TTC29: variants seen among roughly 807,000 people sequenced by gnomAD.
TTC29 encodes the protein tetratricopeptide repeat domain 29, also known as tetratricopeptide repeat protein 29.
In TTC29, 49 loss-of-function variants were observed where a neutral mutation model predicts 58.1. The ratio of observed to expected loss-of-function variants is 0.84; its 90% CI spans 0.67 to 1.07. The LOEUF is 1.07. TTC29 is among the 50% of genes least tolerant of loss of function. The pLI, the probability that TTC29 is intolerant of heterozygous loss-of-function variation, is 0.00. For missense variants in TTC29, 582 were observed against 555.6 expected (o/e 1.05, Z -0.48); for synonymous variants, 209 against 196.8 (o/e 1.06, Z -0.52).
chr4:146,824,694 T>C (rs1168423986), intron 9 of TTC29, among the ~76,000 whole-genome samples: 1 of 152,198 alleles, frequency 6.6e-6, no homozygotes, highest in Non-Finnish European at 1.5e-5. Flanking sequence ...TTCCTCTTCA[T>C]ATATCTGGCA....
intron 4 of TTC29, among the ~76,000 whole-genome samples, chr4:146,917,617 A>ACATTATATATTATTTAAATAATATC (rs1250048875): frequency 7.0e-6 from 1 of 143,148 alleles, no homozygotes; most frequent in African/African-American, 2.5e-5. Context: ...TTTATAATAT[A>ACATTATATATTATTTAAATAATATC]TAATTAGATA....
chr4:146,760,326 C>T (rs907531356), intron 11 of TTC29, among the ~76,000 whole-genome samples: 4 of 151,760 alleles, frequency 2.6e-5, no homozygotes, highest in Non-Finnish European at 5.9e-5. Context: ...TGCTCATGGA[C>T]GGGTAGAATC....
At chr4:146,862,379 A>C (rs1730292566) in intron 8 of TTC29, among the ~76,000 whole-genome samples, 1 of 152,108 alleles carries the variant, frequency 6.6e-6, no homozygotes, top group Non-Finnish European at 1.5e-5. Flanking sequence ...GACCCTGCAG[A>C]TAGGAAGATA....
At chr4:146,758,659 A>G (rs1167436577) in intron 11 of TTC29, among the ~76,000 whole-genome samples, 2 of 152,194 alleles carry the variant, frequency 1.3e-5, no homozygotes, top group African/African-American at 4.8e-5. Flanking sequence ...CCACAGTGGA[A>G]TAAAACTGGA....
intron 11 of TTC29, among the ~76,000 whole-genome samples, chr4:146,708,830 T>C (rs1486192202): frequency 1.3e-5 from 2 of 152,094 alleles, no homozygotes; most frequent in African/African-American, 4.8e-5. Context: ...CCTTTTACTT[T>C]CTTGCTCTAA....
intron 8 of TTC29, among the ~76,000 whole-genome samples, chr4:146,836,059 C>T (rs1236254549): frequency 6.6e-6 from 1 of 152,112 alleles, no homozygotes; most frequent in African/African-American, 2.4e-5. Context: ...ATACCCAACA[C>T]ATTTGGGCCA....
intron 9 of TTC29, among the ~76,000 whole-genome samples, chr4:146,829,384 A>G (rs1579776693): frequency 6.6e-6 from 1 of 152,218 alleles, no homozygotes; most frequent in East Asian, 1.9e-4. Context: ...TGAAAACTTA[A>G]TCATTTACTC....
rs543406470 is a variant in TTC29 at position 146,746,330 on chromosome 4, G to T, written c.1331-38779C>A. On this transcript the variant is annotated intron_variant, in intron 11 of 12. Coordinates refer to ENST00000325106, the MANE Select transcript of TTC29 (RefSeq NM_031956.4). ...AGGACTCGTTAGTATGCTCAACAAA[G>T]AATAGACAGTTGCATTAAGAATTAG... 3.9e-5 allele frequency among the ~76,000 whole-genome samples: 6 copies of T among 151,994 alleles called. No homozygotes were observed. The South Asian group carries it at 1.3e-3, about 32-fold the overall frequency.
intron 11 of TTC29, among the ~76,000 whole-genome samples, chr4:146,781,926 G>A (rs1748637371): frequency 6.6e-6 from 1 of 151,698 alleles, no homozygotes; most frequent in Non-Finnish European, 1.5e-5. Flanking sequence ...AGAAAACCTT[G>A]ACTTTTAATT....
intron 11 of TTC29, among the ~76,000 whole-genome samples, chr4:146,758,779 T>C (rs1746644797): frequency 6.6e-6 from 1 of 152,056 alleles, no homozygotes; most frequent in Admixed American, 6.6e-5. Flanking sequence ...AATTAAAAAA[T>C]TCTTCGAACT....
intron 11 of TTC29, among the ~76,000 whole-genome samples, chr4:146,717,646 G>A (rs984524159): frequency 3.3e-5 from 5 of 151,970 alleles, no homozygotes; most frequent in African/African-American, 1.2e-4. Context: ...TATTTATGGG[G>A]TACAAAGTGA....
intron 9 of TTC29, among the ~76,000 whole-genome samples, chr4:146,822,363 T>C (rs1751908619): frequency 6.6e-6 from 1 of 152,182 alleles, no homozygotes; most frequent in Non-Finnish European, 1.5e-5. Context: ...TGTGTTAACT[T>C]GCTGAGGATG....
chr4:146,887,279 A>C (rs1732048684), intron 6 of TTC29, among the ~76,000 whole-genome samples: 1 of 152,192 alleles, frequency 6.6e-6, no homozygotes, highest in African/African-American at 2.4e-5. Context: ...TGCTTCCTTA[A>C]AATGAGGATG....
Position 146,874,709 on chromosome 4 carries a change from C to T in TTC29, c.799+7G>A. 6.3e-7 allele frequency: 1 copy of T among 1,590,560 alleles called. No homozygotes were observed. The highest frequency in any genetic ancestry group is 8.6e-7 in the Non-Finnish European group (1 of 1,167,236). ...AAAGCAATGTGAGAGAGTTCTTTTC[C>T]ACCCACCTTCTTTGGCTATTTCAGA... On this transcript the variant is annotated splice_region_variant and intron_variant, in intron 7 of 12. Coordinates refer to ENST00000325106, the MANE Select transcript of TTC29 (RefSeq NM_031956.4).
chr4:146,828,787 A>C (rs1302727339), intron 9 of TTC29, among the ~76,000 whole-genome samples: 1 of 152,208 alleles, frequency 6.6e-6, no homozygotes, highest in Non-Finnish European at 1.5e-5. Flanking sequence ...ATAATGCTAG[A>C]GAAAAAAGTC....
intron 6 of TTC29, among the ~76,000 whole-genome samples, chr4:146,897,226 T>C (rs2150259493): frequency 6.6e-6 from 1 of 152,252 alleles, no homozygotes; most frequent in South Asian, 2.1e-4. Flanking sequence ...CAGCACTCCT[T>C]ATGCATAATT....
chr4:146,708,481 A>G (rs1238603315), intron 11 of TTC29, among the ~76,000 whole-genome samples: 1 of 150,310 alleles, frequency 6.7e-6, no homozygotes, highest in Non-Finnish European at 1.5e-5. Context: ...TTATATATGT[A>G]GATATATGTG....
At chr4:146,810,924 G>T (rs1289106956) in intron 10 of TTC29, among the ~76,000 whole-genome samples, 1 of 152,036 alleles carries the variant, frequency 6.6e-6, no homozygotes, top group Non-Finnish European at 1.5e-5. Flanking sequence ...TTTAGTTAAT[G>T]GATGGTGAAA....
chr4:146,791,693 T>C (rs1168233644), intron 11 of TTC29, among the ~76,000 whole-genome samples: 1 of 152,186 alleles, frequency 6.6e-6, no homozygotes, highest in East Asian at 1.9e-4. Flanking sequence ...GAGGAAGGCA[T>C]GTTGAAAGCT....
Sources: gnomAD v4.1 joint callset for allele counts (sites outside exome capture counted in the v4.1 genomes callset) on GRCh38, gnomAD v4.1.1 for gene constraint, MANE v1.5 for transcripts, NCBI Gene and HGNC (gene_info 2026-07-23, HGNC 2026-07-21) for gene names.